WDR27: variants seen among roughly 807,000 people sequenced by gnomAD.
The protein encoded by WDR27 is WD repeat-containing protein 27.
WDR27 carries 100 observed loss-of-function variants against 114.4 expected under a neutral mutation model. That is an observed-to-expected ratio of 0.87 (90% CI 0.74 to 1.03). The LOEUF is 1.03. Among genes scored for constraint, WDR27 ranks in the 50% least tolerant of loss-of-function variants. The pLI is 0.00. For synonymous variants in WDR27, 449 were observed against 423.1 expected (o/e 1.06, Z -0.75); for missense variants, 1,129 against 1,092.9 (o/e 1.03, Z -0.47).
At chr6:169,529,344 A>AT (rs1795327399) in intron 25 of WDR27, among the ~76,000 whole-genome samples, 1 of 143,730 alleles carries the variant, frequency 7.0e-6, no homozygotes, top group African/African-American at 2.5e-5. Context: ...CTAATAAGCT[A>AT]TTGTGTTTTT....
At chr6:169,492,026 C>T (rs1024511121) in intron 25 of WDR27, among the ~76,000 whole-genome samples, 6 of 151,780 alleles carry the variant, frequency 4.0e-5, no homozygotes, top group South Asian at 2.1e-4. Flanking sequence ...AACCAAATAA[C>T]AATTAGAAGA....
intron 22 of WDR27, among the ~76,000 whole-genome samples, chr6:169,611,963 C>T (rs766222797): frequency 1.1e-4 from 16 of 147,898 alleles, no homozygotes; most frequent in Admixed American, 4.6e-4. Context: ...GGTGAAAATG[C>T]GTTCTCTACT....
chr6:169,583,539 A>C (rs1803972991), intron 23 of WDR27, among the ~76,000 whole-genome samples: 1 of 147,158 alleles, frequency 6.8e-6, no homozygotes, highest in Non-Finnish European at 1.5e-5. Flanking sequence ...ACACACACAC[A>C]CATAAAATTC....
chr6:169,542,822 T>C (rs916128748), intron 25 of WDR27, among the ~76,000 whole-genome samples: 1 of 152,112 alleles, frequency 6.6e-6, no homozygotes, highest in Non-Finnish European at 1.5e-5. Context: ...GCAAGCCATA[T>C]GTATAATCTT....
At chr6:169,642,282 A>T (rs979628934) in intron 17 of WDR27, among the ~76,000 whole-genome samples, 5 of 151,820 alleles carry the variant, frequency 3.3e-5, no homozygotes, top group Non-Finnish European at 7.4e-5. Context: ...TGTGCAGTTG[A>T]GATGGTTAAA....
At chr6:169,609,716 G>A (rs886149661) in intron 22 of WDR27, among the ~76,000 whole-genome samples, 4 of 152,216 alleles carry the variant, frequency 2.6e-5, no homozygotes, top group African/African-American at 7.2e-5. Flanking sequence ...TTGTCTTGGG[G>A]ATTAACATTT....
chr6:169,446,928 C>T, the WDR27 span, among the ~76,000 whole-genome samples: 1 of 152,212 alleles, frequency 6.6e-6, no homozygotes. Context: ...CTGGCCATTA[C>T]ACAAAAATTG....
At chr6:169,661,903 T>C (rs1486191762) in intron 9 of WDR27, among the ~76,000 whole-genome samples, 1 of 152,232 alleles carries the variant, frequency 6.6e-6, no homozygotes, top group East Asian at 1.9e-4. Flanking sequence ...AAATATGTAA[T>C]AATATTTCTA....
intron 9 of WDR27, among the ~76,000 whole-genome samples, chr6:169,661,727 G>T: frequency 6.6e-6 from 1 of 152,138 alleles, no homozygotes; most frequent in East Asian, 1.9e-4. Flanking sequence ...ACCAAGCAGG[G>T]AATATTCTGC....
chr6:169,632,966 T>C lies in WDR27; in HGVS notation c.2204A>G (p.His735Arg). 1.3e-6 allele frequency: 2 copies of C among 1,586,912 alleles called. No homozygotes were observed. Among genetic ancestry groups the C allele is most frequent in the East Asian group, 2.3e-5 (1 of 44,080 alleles). ...ACTCACTTTATTTTGGCAGATTTGA[T>C]GGACAGGCCGTGAGTGGGCTTCCGC... The part of the protein sequence containing the change: ...VIAEAHSRPV[H>R]QICQNKGSSF... Residue 735 changes from histidine to arginine, a missense_variant, in exon 21 of 26, where the codon CAT becomes CGT. His to Arg is a conservative substitution (Grantham distance 29, BLOSUM62 0). Coordinates refer to ENST00000448612, the MANE Select transcript of WDR27 (RefSeq NM_182552.5).
the WDR27 span, among the ~76,000 whole-genome samples, chr6:169,430,299 A>ACAGGCC: frequency 1.3e-5 from 2 of 152,210 alleles, no homozygotes; most frequent in Non-Finnish European, 2.9e-5. Flanking sequence ...CAGCCTTTGA[A>ACAGGCC]CAGGCCCCAC....
the WDR27 span, among the ~76,000 whole-genome samples, chr6:169,448,551 C>A: frequency 0.32 from 48,862 of 152,058 alleles, 9,098 homozygotes; most frequent in African/African-American, 0.51. Flanking sequence ...AAATAGCTGT[C>A]GGAAGCCGGT....
chr6:169,429,928 G>C, the WDR27 span, among the ~76,000 whole-genome samples: 1 of 152,172 alleles, frequency 6.6e-6, no homozygotes, highest in Non-Finnish European at 1.5e-5. Flanking sequence ...TATTTGCCAC[G>C]GTGTGGTATG....
At chr6:169,695,967 G>T (rs958391065) in intron 1 of WDR27, among the ~76,000 whole-genome samples, 3 of 152,112 alleles carry the variant, frequency 2.0e-5, no homozygotes, top group Non-Finnish European at 4.4e-5. Flanking sequence ...GCACAGAAAG[G>T]AGTTTTCACC....
intron 24 of WDR27, among the ~76,000 whole-genome samples, chr6:169,573,156 C>G (rs983941510): frequency 6.6e-6 from 1 of 152,112 alleles, no homozygotes; most frequent in Non-Finnish European, 1.5e-5. Flanking sequence ...TGTGTCTTGT[C>G]TTTCACTGAA....
chr6:169,460,968 G>A (rs1784832777), intron 25 of WDR27, among the ~76,000 whole-genome samples: 1 of 151,788 alleles, frequency 6.6e-6, no homozygotes, highest in Admixed American at 6.6e-5. Context: ...AAAGAAAGCA[G>A]GGGTAGATAC....
intron 24 of WDR27, among the ~76,000 whole-genome samples, chr6:169,577,475 T>C (rs1802585421): frequency 6.7e-6 from 1 of 150,066 alleles, no homozygotes; most frequent in East Asian, 1.9e-4. Context: ...GTCCCAGGTG[T>C]AACCACAGCG....
chr6:169,557,444 A>T (rs946623293), intron 25 of WDR27, among the ~76,000 whole-genome samples: 1 of 152,196 alleles, frequency 6.6e-6, no homozygotes, highest in Admixed American at 6.5e-5. Context: ...TGCACCTGTG[A>T]TGCGGGACTG....
intron 13 of WDR27, among the ~76,000 whole-genome samples, chr6:169,655,973 C>T (rs1027286376): frequency 1.3e-5 from 2 of 152,154 alleles, no homozygotes; most frequent in African/African-American, 2.4e-5. Flanking sequence ...CCGCCTGCCT[C>T]GGCCTCCCAA....
Sources: gnomAD v4.1 joint callset for allele counts (sites outside exome capture counted in the v4.1 genomes callset) on GRCh38, gnomAD v4.1.1 for gene constraint, MANE v1.5 for transcripts, NCBI Gene and HGNC (gene_info 2026-07-23, HGNC 2026-07-21) for gene names.